The following CCDC91 variants were observed in gnomAD, a reference collection of about 807,000 sequenced individuals.
CCDC91 encodes coiled-coil domain-containing protein 91.
In CCDC91, 48 loss-of-function variants were observed where a neutral mutation model predicts 63.2. That is an observed-to-expected ratio of 0.76 (90% CI 0.60 to 0.97). CCDC91 has a LOEUF of 0.97. Ranked by LOEUF, CCDC91 falls within the 50% of genes least tolerant of loss-of-function variation. The pLI is 0.00. For missense variants in CCDC91, 500 were observed against 494.6 expected, an observed-to-expected ratio of 1.01 and a Z score of -0.10; for synonymous variants, 167 against 165.8, an observed-to-expected ratio of 1.01 and a Z score of -0.06.
At chr12:28,195,643 C>T (rs6487667) in intron 1 of CCDC91, among the ~76,000 whole-genome samples, 88,653 of 151,916 alleles carry the variant, frequency 0.58, 25,934 homozygotes, top group East Asian at 0.61. Context: ...TTGTTGTTTG[C>T]CAAAAATTTT....
intron 8 of CCDC91, among the ~76,000 whole-genome samples, chr12:28,405,917 A>T (rs534126833): frequency 1.3e-5 from 2 of 151,852 alleles, no homozygotes; most frequent in South Asian, 4.2e-4. Flanking sequence ...TATAATGTCT[A>T]TGTAATGTCC....
intron 12 of CCDC91, among the ~76,000 whole-genome samples, chr12:28,499,487 C>A (rs962632157): frequency 7.2e-5 from 11 of 151,894 alleles, no homozygotes; most frequent in African/African-American, 2.7e-4. Flanking sequence ...GGTATTTCTC[C>A]TAATGCTATC....
At chr12:28,255,741 A>G (rs1476008935) in intron 1 of CCDC91, 1 of 152,144 alleles carries the variant, frequency 6.6e-6, no homozygotes, top group Non-Finnish European at 1.5e-5. Flanking sequence ...TTCTGTCTAA[A>G]TATATATTTT....
chr12:28,204,730 T>C (rs1272152456), intron 1 of CCDC91, among the ~76,000 whole-genome samples: 1 of 152,180 alleles, frequency 6.6e-6, no homozygotes, highest in Admixed American at 6.5e-5. Flanking sequence ...GTTTGGGTGG[T>C]ATATATTGCT....
intron 6 of CCDC91, among the ~76,000 whole-genome samples, chr12:28,326,324 G>A (rs1412702766): frequency 7.3e-5 from 11 of 150,826 alleles, no homozygotes; most frequent in Admixed American, 2.0e-4. Context: ...TACATCTTTT[G>A]TAGACTTATA....
At chr12:28,486,636 C>G (rs1951742434) in intron 12 of CCDC91, among the ~76,000 whole-genome samples, 1 of 151,990 alleles carries the variant, frequency 6.6e-6, no homozygotes, top group Admixed American at 6.6e-5. Context: ...ATAAGAAATG[C>G]CTTTTTAAGA....
chr12:28,519,278 T>A (rs1226536234), intron 12 of CCDC91, among the ~76,000 whole-genome samples: 1 of 150,938 alleles, frequency 6.6e-6, no homozygotes, highest in Admixed American at 6.6e-5. Flanking sequence ...TAGTTAGGTA[T>A]ATTGCTAAGT....
At chr12:28,530,276 G>GAAAACTCAAAC (rs1451284960) in intron 12 of CCDC91, among the ~76,000 whole-genome samples, 2 of 152,204 alleles carry the variant, frequency 1.3e-5, no homozygotes, top group African/African-American at 4.8e-5. Flanking sequence ...TATGCTGTGA[G>GAAAACTCAAAC]AAAACTCAAA....
chr12:28,526,303 A>G (rs1412112520), intron 12 of CCDC91, among the ~76,000 whole-genome samples: 1 of 152,062 alleles, frequency 6.6e-6, no homozygotes, highest in Non-Finnish European at 1.5e-5. Context: ...TGGTAGTGGC[A>G]AATTTTCTCA....
chr12:28,509,926 C>T (rs1191196218), intron 12 of CCDC91, among the ~76,000 whole-genome samples: 3 of 151,860 alleles, frequency 2.0e-5, no homozygotes, highest in Non-Finnish European at 2.9e-5. Context: ...AACTCACCTC[C>T]TATTTCTGAA....
At chr12:28,342,099 G>A (rs1436593689) in intron 6 of CCDC91, among the ~76,000 whole-genome samples, 1 of 152,112 alleles carries the variant, frequency 6.6e-6, no homozygotes, top group South Asian at 2.1e-4. Context: ...ACCTTTTCTG[G>A]CTGTGGTGAG....
At chr12:28,362,577 A>AT (rs1491242747) in intron 7 of CCDC91, 62 bp downstream of exon 7, 2 of 974,052 alleles carry the variant, frequency 2.1e-6, no homozygotes, top group African/African-American at 3.3e-5. Context: ...AAATGTACAC[A>AT]TGTAGGTATG....
intron 1 of CCDC91, among the ~76,000 whole-genome samples, chr12:28,245,393 G>A (rs1945661794): frequency 6.6e-6 from 1 of 152,000 alleles, no homozygotes. Context: ...ATACTTAAAT[G>A]TCAAAAATAA....
intron 3 of CCDC91, among the ~76,000 whole-genome samples, chr12:28,273,857 T>G (rs1399626726): frequency 1.3e-5 from 2 of 152,218 alleles, no homozygotes; most frequent in African/African-American, 2.4e-5. Context: ...AGATCCCATT[T>G]GTCAATTTTG....
At chr12:28,379,783 A>G (rs1003975963) in intron 7 of CCDC91, among the ~76,000 whole-genome samples, 3 of 152,216 alleles carry the variant, frequency 2.0e-5, no homozygotes, top group African/African-American at 7.2e-5. Flanking sequence ...ATACCATTTG[A>G]CCTAGCAATC....
At chr12:28,216,489 A>G (rs1196235787) in intron 1 of CCDC91, among the ~76,000 whole-genome samples, 3 of 151,942 alleles carry the variant, frequency 2.0e-5, no homozygotes, top group Non-Finnish European at 4.4e-5. Context: ...CTTTTTGGGA[A>G]CTTATGTGTA....
At chr12:28,369,847 G>A (rs180820960) in intron 7 of CCDC91, among the ~76,000 whole-genome samples, 54 of 152,298 alleles carry the variant, frequency 3.5e-4, no homozygotes, top group African/African-American at 1.3e-3. Flanking sequence ...GCAATGGACC[G>A]AGCTGTACCT....
chr12:28,413,562 T>C (rs1852479321), intron 8 of CCDC91, among the ~76,000 whole-genome samples: 1 of 152,220 alleles, frequency 6.6e-6, no homozygotes, highest in South Asian at 2.1e-4. Flanking sequence ...TCAGATGATC[T>C]TATCATTTAT....
chr12:28,522,480 G>T (rs1252142577), intron 12 of CCDC91, among the ~76,000 whole-genome samples: 1 of 151,682 alleles, frequency 6.6e-6, no homozygotes, highest in Admixed American at 6.6e-5. Flanking sequence ...CTTTATTAGT[G>T]TTGATAGCGG....
Sources: allele counts gnomAD v4.1 joint callset (sites outside exome capture counted in the v4.1 genomes callset), GRCh38; gene constraint gnomAD v4.1.1; transcripts MANE v1.5; gene names NCBI Gene and HGNC (gene_info 2026-07-23, HGNC 2026-07-21).